PNPT1: variants seen among roughly 807,000 people sequenced by gnomAD.
PNPT1 encodes the protein polyribonucleotide nucleotidyltransferase 1.
PNPT1 carries 53 observed loss-of-function variants against 119.5 expected under a neutral mutation model. The observed-to-expected ratio is 0.44, with a 90% confidence interval of 0.36 to 0.56. The LOEUF (loss-of-function observed/expected upper bound fraction) is 0.56. Among genes scored for constraint, PNPT1 ranks in the 20% least tolerant of loss-of-function variants. The probability of loss-of-function intolerance (pLI) is 0.00; values close to 1 mark genes in which losing one functional copy is unlikely to be tolerated. For missense variants in PNPT1, 948 were observed against 938.5 expected, an observed-to-expected ratio of 1.01 and a Z score of -0.13; for synonymous variants, 357 against 322.1, an observed-to-expected ratio of 1.11 and a Z score of -1.16.
chr2:55,690,166 T>G (rs1697545854), intron 1 of PNPT1, among the ~76,000 whole-genome samples: 1 of 152,184 alleles, frequency 6.6e-6, no homozygotes, highest in African/African-American at 2.4e-5. Context: ...GAATTATATC[T>G]TAATAAAGGT....
At chr2:55,660,005 G>A (rs955276907) in intron 15 of PNPT1, 152 bp downstream of exon 15, 10 of 622,280 alleles carry the variant, frequency 1.6e-5, no homozygotes, top group Middle Eastern at 5.3e-4. Context: ...TTGGGAGGCT[G>A]AGGCGGGAGG....
chr2:55,678,253 T>A (rs954556875), intron 8 of PNPT1, among the ~76,000 whole-genome samples: 1 of 152,188 alleles, frequency 6.6e-6, no homozygotes, highest in African/African-American at 2.4e-5. Flanking sequence ...GGCTCCGAGA[T>A]GCTCAAACAT....
Position 55,693,790 on chromosome 2 carries a change from G to A in PNPT1, c.34C>T (p.Arg12Trp), listed in dbSNP as rs767320275. 17 of 1,613,876 alleles carry A rather than the reference G, an allele frequency of 1.1e-5. No homozygotes were observed. Among genetic ancestry groups the A allele is most frequent in the African/African-American group, 5.3e-5 (4 of 74,948 alleles). ...AACRYCCSCL[R>W]LRPLSDGPFL... ...GGACCATCGCTCAGGGGCCGGAGCC[G>A]GAGGCACGAGCAGCAGTACCTGCAG... The change falls in exon 1 of 28, where the codon CGG becomes TGG. Residue 12 changes from arginine (R) to tryptophan (W), a missense_variant. Arg to Trp is a moderately radical substitution (Grantham distance 101). Transcript: ENST00000447944.
intron 18 of PNPT1, among the ~76,000 whole-genome samples, chr2:55,651,680 T>C (rs1696208309): frequency 6.6e-6 from 1 of 150,566 alleles, no homozygotes; most frequent in Admixed American, 6.6e-5. Context: ...CAGAGACCTT[T>C]GTTCACTTGT....
chr2:55,675,467 G>T (rs1697037095), intron 8 of PNPT1, among the ~76,000 whole-genome samples: 1 of 151,958 alleles, frequency 6.6e-6, no homozygotes, highest in African/African-American at 2.4e-5. Flanking sequence ...AAGAAAAATG[G>T]ATACCCCCCA....
intron 26 of PNPT1, among the ~76,000 whole-genome samples, chr2:55,640,024 C>T (rs753934320): frequency 4.6e-5 from 7 of 152,114 alleles, no homozygotes; most frequent in Non-Finnish European, 8.8e-5. Context: ...CAACTTCTAG[C>T]GTATATTATA....
chr2:55,651,051 C>T (rs1308262854), intron 18 of PNPT1, among the ~76,000 whole-genome samples: 2 of 147,306 alleles, frequency 1.4e-5, no homozygotes, highest in Non-Finnish European at 3.0e-5. Context: ...CCTGGCCGGC[C>T]GCCCCGTCCA....
intron 7 of PNPT1, 52 bp downstream of exon 7, chr2:55,680,660 T>C (rs1197430486): frequency 3.9e-6 from 6 of 1,531,750 alleles, no homozygotes; most frequent in Non-Finnish European, 5.4e-6. Flanking sequence ...CACTACTACT[T>C]ACTGAAAAAA....
intron 26 of PNPT1, among the ~76,000 whole-genome samples, chr2:55,639,388 T>G (rs1040990099): frequency 3.4e-4 from 51 of 152,214 alleles, no homozygotes; most frequent in Admixed American, 2.9e-3. Flanking sequence ...CATAGACATT[T>G]ACCAAACACC....
intron 8 of PNPT1, among the ~76,000 whole-genome samples, chr2:55,678,943 A>G (rs1305926234): frequency 6.6e-6 from 1 of 152,238 alleles, no homozygotes; most frequent in East Asian, 1.9e-4. Context: ...ATGTTCCCAC[A>G]TCAGAAGACC....
Position 55,637,555 on chromosome 2 carries a change from A to C in PNPT1, c.2193T>G (p.Ile731Met). Residue 731 changes from isoleucine to methionine, a missense_variant, in exon 27 of 28, where the codon ATT (isoleucine) becomes ATG (methionine). Coordinates refer to ENST00000447944, the MANE Select transcript of PNPT1 (RefSeq NM_033109.5). The part of the protein sequence containing the change: ...TALGLEVGQE[I>M]QVKYFGRDPA... ...CTAAAAGGTGGAATACAAATACCTGAATTTCTTGGCCAACTTCTAATCCTA... is the reference window on the plus strand; with the variant it reads ...CTAAAAGGTGGAATACAAATACCTGCATTTCTTGGCCAACTTCTAATCCTA... The C allele has an allele frequency of 6.2e-7, 1 of 1,600,934 alleles. No homozygotes were observed. Among genetic ancestry groups the C allele is most frequent in the Admixed American group, 1.7e-5 (1 of 59,976 alleles).
At chr2:55,654,091 G>T (rs138642750) in intron 18 of PNPT1, among the ~76,000 whole-genome samples, 37 of 151,846 alleles carry the variant, frequency 2.4e-4, no homozygotes, top group African/African-American at 8.4e-4. Flanking sequence ...ACCCCGTCTC[G>T]ACTAAAAATA....
rs1559103080 is a variant in PNPT1 at position 55,669,761 on chromosome 2, A to ATTTTT, written c.976+1557_976+1558insAAAAA. Among the ~76,000 whole-genome samples, 3 of 147,128 alleles carry ATTTTT rather than the reference A, an allele frequency of 2.0e-5. 1 individual carries two copies. Among genetic ancestry groups the ATTTTT allele is most frequent in the Non-Finnish European group, 3.0e-5 (2 of 66,968 alleles). ...TGGCCTTAATATCAATGCTAACAGCACTTTTTTTTTTTTTTTTGAGATGGA... is the reference window on the plus strand; with the variant it reads ...TGGCCTTAATATCAATGCTAACAGCATTTTTCTTTTTTTTTTTTTTTTGAGATGGA... On this transcript the variant is annotated intron_variant, in intron 11 of 27. Coordinates refer to ENST00000447944, the MANE Select transcript of PNPT1 (RefSeq NM_033109.5).
chr2:55,683,716 A>T (rs538983903), intron 5 of PNPT1, 69 bp downstream of exon 5: 6 of 1,383,908 alleles, frequency 4.3e-6, no homozygotes, highest in Non-Finnish European at 4.0e-6. Context: ...TACTCTAGGA[A>T]ATATTACAGA....
intron 15 of PNPT1, among the ~76,000 whole-genome samples, chr2:55,659,947 T>C (rs753429207): frequency 2.6e-5 from 4 of 151,564 alleles, no homozygotes; most frequent in South Asian, 4.2e-4. Context: ...TAGAAAAAAA[T>C]AGAAAAATTA....
chr2:55,649,077 T>G (rs762513904), intron 18 of PNPT1, among the ~76,000 whole-genome samples: 8 of 152,170 alleles, frequency 5.3e-5, no homozygotes, highest in Non-Finnish European at 1.0e-4. Context: ...TGCCAAACCC[T>G]GGACCTGTAT....
rs531616769 is a variant in PNPT1 at position 55,666,742 on chromosome 2, C to T, written c.1176+249G>A. Among the ~76,000 whole-genome samples, 48 of 152,142 alleles carry T rather than the reference C, an allele frequency of 3.2e-4. No homozygotes were observed. In the South Asian group the frequency reaches 9.5e-3, roughly 30 times the overall value. ...CTGTAGTCCCAGCTACTCAGGAAGC[C>T]GAGGTGGGAGGATCGCCTGAGTCCA... On this transcript the variant is annotated intron_variant, in intron 13 of 27. Coordinates refer to ENST00000447944, the MANE Select transcript of PNPT1 (RefSeq NM_033109.5).
chr2:55,667,083 G>C lies in PNPT1; in HGVS notation c.1084C>G (p.Arg362Gly). The change falls in exon 13 of 28, where the codon CGG (arginine) becomes GGG (glycine). Residue 362 changes from arginine to glycine, a missense_variant. By Grantham distance (125) the Arg-to-Gly change is moderately radical. Coordinates refer to ENST00000447944, the MANE Select transcript of PNPT1 (RefSeq NM_033109.5). The stretch of plus-strand genomic sequence containing the variant: ...ACATTCCTAAGTGAAGTCAAATCCC[G>C]ACCATCGCACCTATAGTGATATAGG... ...VLNEYKRCDG[R>G]DLTSLRNVSC... The C allele has an allele frequency of 6.2e-7, 1 of 1,610,824 alleles. No homozygotes were observed. Among genetic ancestry groups the C allele is most frequent in the Non-Finnish European group, 8.5e-7 (1 of 1,178,108 alleles).
chr2:55,680,722 A>T lies in PNPT1; in HGVS notation c.555T>A (p.Asn185Lys). The change falls in exon 7 of 28, where the codon AAT becomes AAA. Residue 185 changes from asparagine to lysine, a missense_variant. By Grantham distance (94) the Asn-to-Lys change is moderately conservative. Transcript: ENST00000447944. ...TAAATCCTAACTTACCAACAGGTCC[A>T]TTCCAAGGAATATCTGATAATGAGA... is the stretch of plus-strand genomic sequence containing the variant. ...VALSLSDIPWNGPVGAVRIGI... is the reference protein window; with the variant it reads ...VALSLSDIPWKGPVGAVRIGI... 1 of 1,613,454 alleles carries T rather than the reference A, an allele frequency of 6.2e-7. No homozygotes were observed. Among genetic ancestry groups the T allele is most frequent in the Non-Finnish European group, 8.5e-7 (1 of 1,179,728 alleles).
Sources: gnomAD v4.1 joint callset for allele counts (sites outside exome capture counted in the v4.1 genomes callset) on GRCh38, gnomAD v4.1.1 for gene constraint, MANE v1.5 for transcripts, NCBI Gene and HGNC (gene_info 2026-07-23, HGNC 2026-07-21) for gene names.